ADCYAP1: variants seen among roughly 807,000 people sequenced by gnomAD.
ADCYAP1 encodes the protein adenylate cyclase activating polypeptide 1.
Under a neutral mutation model 18.5 loss-of-function variants are expected in ADCYAP1, and 6 were observed. The observed-to-expected ratio is 0.32, with a 90% confidence interval of 0.18 to 0.64. ADCYAP1 has a LOEUF of 0.64. ADCYAP1 is among the 30% of genes least tolerant of loss of function. The pLI is 0.77. For synonymous variants in ADCYAP1, 136 were observed against 113.9 expected (o/e 1.19, Z -1.24); for missense variants, 314 against 253.6 (o/e 1.24, Z -1.62).
At chr18:907,436 C>T (rs1210672065) in intron 2 of ADCYAP1, 2 of 436,160 alleles carry the variant, frequency 4.6e-6, no homozygotes, top group East Asian at 4.1e-5. Flanking sequence ...ACCCTTTACC[C>T]GCGAAGGGGG....
chr18:908,590 A>G (rs1429905156), intron 4 of ADCYAP1, among the ~76,000 whole-genome samples: 1 of 152,188 alleles, frequency 6.6e-6, no homozygotes, highest in East Asian at 1.9e-4. Flanking sequence ...AGGGAGTTTG[A>G]TCCGTTTTGA....
At position 910,534 on chromosome 18, in the gene ADCYAP1, T is replaced by C. The variant is rs529421778; in HGVS notation, c.*899T>C. ...ACAAAGTGAAGGACATAGAGGTATA[T>C]TGGAAGAGGCAGAGCCTGAGGTGGT... is the stretch of plus-strand genomic sequence containing the variant. On this transcript the variant is annotated 3_prime_UTR_variant, in exon 5 of 5. Transcript: ENST00000450565. 3.3e-5 allele frequency: 5 copies of C among 152,346 alleles called. No individual in the cohort carries two copies. The highest frequency in any genetic ancestry group is 2.1e-4 in the South Asian group (1 of 4,828). 9.4% of individuals were successfully genotyped at this position (152,346 alleles called of 1,614,324 possible).
At chr18:907,352 C>A (rs944513338) in intron 2 of ADCYAP1, among the ~76,000 whole-genome samples, 1 of 151,418 alleles carries the variant, frequency 6.6e-6, no homozygotes, top group Non-Finnish European at 1.5e-5. Context: ...GGTCCTTTTC[C>A]GTAGACAGGT....
chr18:909,299 C>T (rs903029978), intron 4 of ADCYAP1, 147 bp from the exon 5 acceptor site: 7 of 743,198 alleles, frequency 9.4e-6, no homozygotes, highest in Admixed American at 3.1e-5. Context: ...CGGCTGCTTC[C>T]AGGCAGAGGC....
upstream of ADCYAP1, chr18:904,641 A>G (rs541096846): frequency 3.2e-6 from 4 of 1,237,102 alleles, no homozygotes; most frequent in Non-Finnish European, 4.1e-6. Context: ...CGCGGCTCCT[A>G]CAAAGGCGGG....
intron 2 of ADCYAP1, 75 bp downstream of exon 2, chr18:905,571 T>C (rs1489183035): frequency 1.6e-5 from 24 of 1,534,278 alleles, no homozygotes; most frequent in Non-Finnish European, 2.0e-5. Context: ...GTCTCCTTCC[T>C]GCAGTCCTTT....
intron 2 of ADCYAP1, 42 bp downstream of exon 2, chr18:905,538 C>T (rs757684819): frequency 3.8e-6 from 6 of 1,595,352 alleles, no homozygotes; most frequent in African/African-American, 2.7e-5. Context: ...CTGGGGCTTC[C>T]CAGGCACAGA....
chr18:907,978 T>C, intron 3 of ADCYAP1, 188 bp downstream of exon 3: 3 of 1,163,528 alleles, frequency 2.6e-6, no homozygotes, highest in Non-Finnish European at 3.5e-6. Flanking sequence ...TGTGTGGACC[T>C]GAGGGCCGCG....
chr18:904,668 T>G, upstream of ADCYAP1: 1 of 1,218,050 alleles, frequency 8.2e-7, no homozygotes. Flanking sequence ...GCCCGCCCTC[T>G]CCCTTGCCTT....
chr18:904,478 G>T, upstream of ADCYAP1: 1 of 1,289,122 alleles, frequency 7.8e-7, no homozygotes, highest in South Asian at 1.2e-5. Flanking sequence ...AACCATGTTC[G>T]GATAGATTTT....
rs887280913 is a variant in ADCYAP1, at chr18:909,921, G to A, written c.*286G>A. The stretch of plus-strand genomic sequence containing the variant: ...ATATATATATAAAGTATAGAGAGAA[G>A]TTCATACAAAGCGTGCACAAGGATT... On this transcript the variant is annotated 3_prime_UTR_variant, in exon 5 of 5. Coordinates refer to ENST00000450565, the MANE Select transcript of ADCYAP1 (RefSeq NM_001099733.2). 5.4e-5 allele frequency: 8 copies of A among 147,316 alleles called. No homozygotes were observed. The highest frequency in any genetic ancestry group is 2.0e-4 in the African/African-American group (8 of 40,060). 9.1% of individuals were successfully genotyped at this position (147,316 alleles called of 1,614,324 possible).
intron 4 of ADCYAP1, among the ~76,000 whole-genome samples, chr18:909,127 C>G (rs1269956057): frequency 1.3e-5 from 2 of 150,418 alleles, no homozygotes; most frequent in Non-Finnish European, 2.9e-5. Context: ...CGCAAACACA[C>G]GAAGGGTCGG....
chr18:904,856 T>C (rs1233490950), upstream of ADCYAP1: 2 of 1,286,836 alleles, frequency 1.6e-6, no homozygotes, highest in Non-Finnish European at 2.0e-6. Context: ...TCTGCGCGTC[T>C]ACAAACTTTT....
At position 909,464 on chromosome 18, in the gene ADCYAP1, C is replaced by T. The variant is rs367797970; in HGVS notation, c.360C>T (p.Gly120=). The T allele has an allele frequency of 6.2e-7, 1 of 1,611,958 alleles. No individual in the cohort carries two copies. Among genetic ancestry groups the T allele is most frequent in the Non-Finnish European group, 8.5e-7 (1 of 1,179,546 alleles). The part of the protein sequence containing the change: ...ARGVGGSLGG[G]AGDDAEPLSK... ...CTTGCAGTGGGAGCCTCGGCGGCGG[C>T]GCGGGGGACGACGCGGAGCCGCTCT... Residue 120 remains glycine (G), a synonymous_variant, in exon 5 of 5, where the codon GGC becomes GGT. Transcript: ENST00000450565.
At position 909,652 on chromosome 18, in the gene ADCYAP1, A is replaced by G. The variant is rs113395599; in HGVS notation, c.*17A>G. On this transcript the variant is annotated 3_prime_UTR_variant, in exon 5 of 5. Coordinates refer to ENST00000450565, the MANE Select transcript of ADCYAP1 (RefSeq NM_001099733.2). ...TATTTGTAGCGATGGGTTACCAGCT[A>G]CCCTGTGTATACAGCCCTGACGCAA... 1.2e-3 allele frequency: 1,989 copies of G among 1,610,776 alleles called. 16 individuals carry two copies. The African/African-American group carries it at 0.019, about 15-fold the overall frequency.
chr18:905,675 C>A (rs1909141898), intron 2 of ADCYAP1, 179 bp downstream of exon 2: 1 of 759,390 alleles, frequency 1.3e-6, no homozygotes, highest in Non-Finnish European at 2.1e-6. Flanking sequence ...GAGGGTCTGG[C>A]AGGCTCCGCG....
At chr18:909,349 G>A in intron 4 of ADCYAP1, 97 bp from the exon 5 acceptor site, 1 of 1,265,706 alleles carries the variant, frequency 7.9e-7, no homozygotes, top group Non-Finnish European at 1.1e-6. Context: ...GGCCCTCCCC[G>A]AAGGCTCCCG....
At position 911,643 on chromosome 18, in the gene ADCYAP1, A is replaced by T. The variant is rs866602673; in HGVS notation, c.*2008A>T. Reference sequence around the variant, plus strand: ...CTGTGTATAGGATCAATCTTCCTTTAATTCCGCAGTCTCCTCAGGCAATGT... The same window carrying T: ...CTGTGTATAGGATCAATCTTCCTTTTATTCCGCAGTCTCCTCAGGCAATGT... On this transcript the variant is annotated 3_prime_UTR_variant, in exon 5 of 5. Transcript: ENST00000450565. 5.9e-5 allele frequency: 9 copies of T among 152,278 alleles called. No homozygotes were observed. The highest frequency in any genetic ancestry group is 4.1e-4 in the South Asian group (2 of 4,820). 9.4% of individuals were successfully genotyped at this position (152,278 alleles called of 1,614,324 possible).
chr18:908,228 A>T (rs2231185), intron 3 of ADCYAP1, 37 bp from the exon 4 acceptor site: 93,929 of 1,577,632 alleles, frequency 0.06, 3,036 homozygotes, highest in African/African-American at 0.1. Flanking sequence ...GGGGACAGAA[A>T]CAGTGACCCT....
Sources: allele counts gnomAD v4.1 joint callset (sites outside exome capture counted in the v4.1 genomes callset), GRCh38; gene constraint gnomAD v4.1.1; transcripts MANE v1.5; gene names NCBI Gene and HGNC (gene_info 2026-07-23, HGNC 2026-07-21).